The following ZFP14 variants were observed in gnomAD, a reference collection of about 807,000 sequenced individuals.
The protein encoded by ZFP14 is ZFP14 zinc finger protein, also known as zinc finger protein 14 homolog.
ZFP14 carries 22 observed loss-of-function variants against 54.5 expected under a neutral mutation model. The observed-to-expected ratio is 0.40, with a 90% CI of 0.29 to 0.58. The LOEUF (loss-of-function observed/expected upper bound fraction) is 0.58. Among genes scored for constraint, ZFP14 ranks in the 20% least tolerant of loss-of-function variants. The probability of loss-of-function intolerance (pLI) is 0.39; values close to 1 mark genes in which losing one functional copy is unlikely to be tolerated. For missense variants in ZFP14, 470 were observed against 637.8 expected (o/e 0.74, Z 2.83); for synonymous variants, 159 against 204.0 (o/e 0.78, Z 1.88).
chr19:36,373,548 C>T (rs139215754), intron 1 of ZFP14, among the ~76,000 whole-genome samples: 4 of 152,012 alleles, frequency 2.6e-5, no homozygotes, highest in African/African-American at 9.6e-5. Flanking sequence ...GTTCTCACCA[C>T]AAAAATGGTA....
At chr19:36,356,630 C>T (rs538094247) in intron 4 of ZFP14, among the ~76,000 whole-genome samples, 7 of 152,168 alleles carry the variant, frequency 4.6e-5, no homozygotes, top group East Asian at 3.9e-4. Flanking sequence ...CTTTCTAACC[C>T]GAACCATCCT....
intron 4 of ZFP14, among the ~76,000 whole-genome samples, chr19:36,342,654 G>C (rs2031342524): frequency 6.6e-6 from 1 of 152,166 alleles, no homozygotes; most frequent in South Asian, 2.1e-4. Context: ...ATAAAGCCCA[G>C]AGCCAGTGAG....
Position 36,336,233 on chromosome 19 carries a change from T to C in ZFP14, c.*3991A>G, listed in dbSNP as rs1212345602. ...TTTCTACTTTCTACTGTTACTTGGCTGTTCCTTTTTTTTTTTTTTTTTTTT... is the reference window on the plus strand; with the variant it reads ...TTTCTACTTTCTACTGTTACTTGGCCGTTCCTTTTTTTTTTTTTTTTTTTT... On this transcript the variant is annotated 3_prime_UTR_variant, in exon 5 of 5. Transcript: ENST00000270001. 6.9e-6 allele frequency: 1 copy of C among 144,208 alleles called. No homozygotes were observed. The highest frequency in any genetic ancestry group is 2.6e-5 in the African/African-American group (1 of 37,946). 8.9% of individuals were successfully genotyped at this position (144,208 alleles called of 1,614,324 possible). A position where few individuals can be genotyped will look rare whatever the true frequency, so the allele number is the denominator to read the frequency against.
chr19:36,362,537 C>A (rs1408756390), intron 2 of ZFP14, among the ~76,000 whole-genome samples: 4 of 152,056 alleles, frequency 2.6e-5, no homozygotes, highest in African/African-American at 7.2e-5. Context: ...TGCACGCAAG[C>A]CTTTTGAATA....
At chr19:36,346,557 A>G (rs2031419160) in intron 4 of ZFP14, among the ~76,000 whole-genome samples, 2 of 151,994 alleles carry the variant, frequency 1.3e-5, no homozygotes, top group Admixed American at 1.3e-4. Flanking sequence ...TCCCGGGTTC[A>G]AGTGATCCTC....
chr19:36,335,753 G>A lies in ZFP14; in HGVS notation c.*4471C>T, dbSNP rs1432457385. On this transcript the variant is annotated 3_prime_UTR_variant, in exon 5 of 5. Coordinates refer to ENST00000270001, the MANE Select transcript of ZFP14 (RefSeq NM_020917.3). ...TTACCATATTATGTTTATTATTTTT[G>A]AGACAGGTTCTCACTCTGTCACCCA... The A allele has an allele frequency of 1.3e-5, 2 of 151,960 alleles. No homozygotes were observed. The highest frequency in any genetic ancestry group is 2.9e-5 in the Non-Finnish European group (2 of 68,014). 9.4% of individuals were successfully genotyped at this position (151,960 alleles called of 1,614,324 possible).
chr19:36,375,569 T>A (rs1385381007), intron 1 of ZFP14, among the ~76,000 whole-genome samples: 1 of 17,344 alleles, frequency 5.8e-5, no homozygotes, highest in Non-Finnish European at 1.2e-4. Context: ...TGTATTTTCT[T>A]TTTTTTTTTT....
At chr19:36,362,343 T>C (rs1176127754) in intron 2 of ZFP14, 105 bp from the exon 3 acceptor site, 24 of 1,257,214 alleles carry the variant, frequency 1.9e-5, no homozygotes, top group East Asian at 2.6e-5. Context: ...TCAGATAGCA[T>C]GCAAACAGCA....
Position 36,334,908 on chromosome 19 carries a change from C to T in ZFP14, c.*5316G>A, listed in dbSNP as rs1313151990. Reference sequence around the variant, plus strand: ...ATTTTATTTGAGACTGAGTTTCACTCTTGTTGCCCAGGTTGGAGTGCAATG... The same window carrying T: ...ATTTTATTTGAGACTGAGTTTCACTTTTGTTGCCCAGGTTGGAGTGCAATG... On this transcript the variant is annotated 3_prime_UTR_variant, in exon 5 of 5. Transcript: ENST00000270001. 1.3e-5 allele frequency: 2 copies of T among 151,914 alleles called. No homozygotes were observed. The highest frequency in any genetic ancestry group is 2.9e-5 in the Non-Finnish European group (2 of 68,026). The allele number at this position is 151,914 out of a possible 1,614,324, so 9.4% of individuals were successfully genotyped here.
chr19:36,374,351 A>C (rs2031926709), intron 1 of ZFP14, among the ~76,000 whole-genome samples: 1 of 151,982 alleles, frequency 6.6e-6, no homozygotes, highest in Admixed American at 6.6e-5. Context: ...TTAGCCGGGC[A>C]TGATGGCAGG....
At chr19:36,366,805 T>A (rs988895341) in intron 2 of ZFP14, among the ~76,000 whole-genome samples, 1 of 152,212 alleles carries the variant, frequency 6.6e-6, no homozygotes, top group Non-Finnish European at 1.5e-5. Context: ...ATGGTTTGTA[T>A]ATTTTTTTGT....
At chr19:36,376,469 C>G (rs149747447) in intron 1 of ZFP14, among the ~76,000 whole-genome samples, 1 of 151,882 alleles carries the variant, frequency 6.6e-6, no homozygotes, top group East Asian at 1.9e-4. Context: ...TGGTTTGAAC[C>G]TGGGGCGGGT....
At position 36,340,408 on chromosome 19, in the gene ZFP14, A is replaced by C; in HGVS notation, c.1418T>G (p.Ile473Ser). Reference protein sequence around the residue: ...LLSQLTQHQSIHTGEKPYECK... With the variant: ...LLSQLTQHQSSHTGEKPYECK... ...TTCATAAGGTTTCTCACCAGTGTGA[A>C]TACTCTGATGTTGGGTAAGTTGTGA... The change falls in exon 5 of 5, where the codon ATT (isoleucine) becomes AGT (serine). Residue 473 changes from isoleucine (I) to serine (S), a missense_variant. Transcript: ENST00000270001. This position sits in a 1 kb window ranked among gnomAD's most constrained non-coding sequence, Gnocchi z 5.4. 1 of 1,614,164 alleles carries C rather than the reference A, an allele frequency of 6.2e-7. No individual in the cohort carries two copies. Among genetic ancestry groups the C allele is most frequent in the Non-Finnish European group, 8.5e-7 (1 of 1,180,030 alleles).
In ZFP14 at chr19:36,341,124, C is replaced by A. The variant is rs1199541090; in HGVS notation, c.702G>T (p.Gly234=). The stretch of plus-strand genomic sequence containing the variant: ...GTTCTTGGAGCACTGTAAAGGCCTT[C>A]CCACACTCCTTACATTCATAGGGTT... ...GEKPYECKEC[G]KAFTVLQELT... is the part of the protein sequence containing the mutation. Residue 234 remains glycine (G), a synonymous_variant, in exon 5 of 5, where the codon GGG becomes GGT. Coordinates refer to ENST00000270001, the MANE Select transcript of ZFP14 (RefSeq NM_020917.3). The surrounding 1 kb of genome is among the most constrained non-coding windows in gnomAD (Gnocchi z 4.2). 2 of 1,613,336 alleles carry A rather than the reference C, an allele frequency of 1.2e-6. No homozygotes were observed. The highest frequency in any genetic ancestry group is 2.7e-5 in the African/African-American group (2 of 74,780).
intron 4 of ZFP14, among the ~76,000 whole-genome samples, chr19:36,350,839 A>G (rs1441032502): frequency 7.0e-6 from 1 of 142,874 alleles, no homozygotes; most frequent in Non-Finnish European, 1.6e-5. Context: ...ACAAACTACT[A>G]CTCAATGGAA....
At chr19:36,357,339 G>A (rs372280799) in intron 4 of ZFP14, among the ~76,000 whole-genome samples, 15 of 152,152 alleles carry the variant, frequency 9.9e-5, no homozygotes, top group East Asian at 7.7e-4. Context: ...CACTGCGCCC[G>A]GTCTGATTTT....
intron 1 of ZFP14, among the ~76,000 whole-genome samples, chr19:36,368,917 C>T (rs1309596959): frequency 1.3e-5 from 2 of 152,192 alleles, no homozygotes; most frequent in South Asian, 2.1e-4. Flanking sequence ...GATCTCAGCT[C>T]ACTGCAACCT....
chr19:36,350,874 G>A (rs944141630), intron 4 of ZFP14, among the ~76,000 whole-genome samples: 3 of 142,912 alleles, frequency 2.1e-5, no homozygotes, highest in African/African-American at 5.1e-5. Context: ...AAGACAAGGA[G>A]GGGATATTTG....
chr19:36,377,685 C>T (rs2031984222), intron 1 of ZFP14, among the ~76,000 whole-genome samples: 1 of 152,042 alleles, frequency 6.6e-6, no homozygotes, highest in African/African-American at 2.4e-5. Flanking sequence ...ATGCTCATGT[C>T]AATACCTACT....
Sources: allele counts gnomAD v4.1 joint callset (sites outside exome capture counted in the v4.1 genomes callset), GRCh38; gene constraint gnomAD v4.1.1; non-coding constraint Gnocchi (gnomAD v3.1); transcripts MANE v1.5; gene names NCBI Gene and HGNC (gene_info 2026-07-23, HGNC 2026-07-21).